TENM3: variants seen among roughly 807,000 people sequenced by gnomAD.
TENM3 encodes the protein teneurin-3.
TENM3 carries 63 observed loss-of-function variants against 255.1 expected under a neutral mutation model. The ratio of observed to expected loss-of-function variants is 0.25; its 90% CI spans 0.20 to 0.30. The LOEUF (loss-of-function observed/expected upper bound fraction) is 0.30. Ranked by LOEUF, TENM3 falls within the 10% of genes least tolerant of loss-of-function variation. The probability of loss-of-function intolerance (pLI) is 1.00; values close to 1 mark genes in which losing one functional copy is unlikely to be tolerated. For missense variants in TENM3, 2,929 were observed against 3,461.1 expected, an observed-to-expected ratio of 0.85 and a Z score of 3.86; for synonymous variants, 1,306 against 1,322.3, an observed-to-expected ratio of 0.99 and a Z score of 0.27.
intron 22 of TENM3, among the ~76,000 whole-genome samples, chr4:182,758,147 G>A (rs1327408311): frequency 6.6e-6 from 1 of 152,130 alleles, no homozygotes; most frequent in Non-Finnish European, 1.5e-5. Context: ...AAACCTTTAT[G>A]CATTTTGCAA....
intron 3 of TENM3, among the ~76,000 whole-genome samples, chr4:182,583,090 A>G (rs1745662335): frequency 6.6e-6 from 1 of 152,218 alleles, no homozygotes; most frequent in African/African-American, 2.4e-5. Context: ...GGCAAAAGCC[A>G]AATGTCTGTG....
chr4:182,157,947 A>C (rs1448998009), intron 1 of TENM3, among the ~76,000 whole-genome samples: 1 of 152,236 alleles, frequency 6.6e-6, no homozygotes, highest in East Asian at 1.9e-4. Context: ...CATATTTCTT[A>C]AAATATGTAG....
the TENM3 span, among the ~76,000 whole-genome samples, chr4:182,023,736 CA>C: frequency 2.0e-5 from 3 of 152,006 alleles, no homozygotes; most frequent in Non-Finnish European, 4.4e-5. Context: ...AACAATATAC[CA>C]CAAAGGAAGT....
Position 182,781,909 on chromosome 4 carries a change from A to G in TENM3, c.5304+6756A>G, listed in dbSNP as rs529021911. On this transcript the variant is annotated intron_variant, in intron 24 of 27. Transcript: ENST00000511685. ...TGGGATCGGTGGTGATATCCCCTTT[A>G]TCATTTTTTATTGCATCTATTAGAT... 6.8e-3 allele frequency among the ~76,000 whole-genome samples: 1,029 copies of G among 150,672 alleles called. 20 individuals are homozygous for G. Among genetic ancestry groups the G allele is most frequent in the African/African-American group, 0.024 (972 of 41,116 alleles).
chr4:182,636,934 A>G (rs1236267997), intron 5 of TENM3, among the ~76,000 whole-genome samples: 1 of 152,140 alleles, frequency 6.6e-6, no homozygotes, highest in Non-Finnish European at 1.5e-5. Flanking sequence ...ATTTTTGCAA[A>G]ACGTAGCAAC....
intron 3 of TENM3, among the ~76,000 whole-genome samples, chr4:182,443,626 C>T (rs1262572746): frequency 2.0e-5 from 3 of 152,124 alleles, no homozygotes; most frequent in Non-Finnish European, 2.9e-5. Context: ...CCCTTCCCTC[C>T]TACTTGGATA....
intron 27 of TENM3, among the ~76,000 whole-genome samples, chr4:182,797,889 C>T (rs1766612262): frequency 6.6e-6 from 1 of 152,128 alleles, no homozygotes; most frequent in South Asian, 2.1e-4. Flanking sequence ...ATCTACAGTA[C>T]CAGTACCTGT....
chr4:182,382,909 G>A (rs1447926504), intron 3 of TENM3, among the ~76,000 whole-genome samples: 3 of 152,120 alleles, frequency 2.0e-5, no homozygotes, highest in African/African-American at 4.8e-5. Context: ...CCCTTGCTAC[G>A]GTTCTTACAG....
intron 3 of TENM3, among the ~76,000 whole-genome samples, chr4:182,414,039 C>T (rs1367828693): frequency 1.3e-5 from 2 of 152,140 alleles, no homozygotes; most frequent in South Asian, 4.1e-4. Context: ...GTTATAACAC[C>T]ATAGTTGAAG....
intron 1 of TENM3, among the ~76,000 whole-genome samples, chr4:182,260,492 A>T (rs1470880033): frequency 6.6e-6 from 1 of 152,194 alleles, no homozygotes; most frequent in Admixed American, 6.5e-5. Flanking sequence ...ATAATAACCT[A>T]CTGTAGTAAA....
Position 182,264,066 on chromosome 4 carries a change from C to T in TENM3, c.-76+20590C>T, listed in dbSNP as rs1319167355. On this transcript the variant is annotated intron_variant, in intron 1 of 27. Transcript: ENST00000511685. ...CCGGCAAAGGGTAAGAATTCTTTAC[C>T]AGTCAGATTTCTGGCTTCTCTCTCT... 3.3e-5 allele frequency among the ~76,000 whole-genome samples: 5 copies of T among 152,288 alleles called. No individual in the cohort carries two copies. The East Asian group carries it at 7.7e-4, about 24-fold the overall frequency.
At chr4:182,346,068 T>TACATAC (rs139037583) in intron 2 of TENM3, among the ~76,000 whole-genome samples, 3 of 149,248 alleles carry the variant, frequency 2.0e-5, no homozygotes, top group African/African-American at 7.4e-5. Context: ...CACACACATA[T>TACATAC]ATACATACAT....
chr4:182,198,562 C>A (rs1753973043), intron 1 of TENM3, among the ~76,000 whole-genome samples: 1 of 152,184 alleles, frequency 6.6e-6, no homozygotes, highest in African/African-American at 2.4e-5. Flanking sequence ...AGAGGAAGGA[C>A]AAATATCATA....
chr4:182,351,905 C>G (rs6815124), intron 3 of TENM3, among the ~76,000 whole-genome samples: 24,085 of 152,010 alleles, frequency 0.16, 2,521 homozygotes, highest in Non-Finnish European at 0.24. Context: ...TTCAGGTATG[C>G]CTGGTGCTTA....
intron 24 of TENM3, among the ~76,000 whole-genome samples, chr4:182,785,161 T>C (rs6817480): frequency 0.35 from 53,475 of 151,562 alleles, 12,283 homozygotes; most frequent in African/African-American, 0.64. Flanking sequence ...ACTGCAGCCT[T>C]GACTTCACAG....
chr4:182,498,433 G>A (rs1362172651), intron 3 of TENM3, among the ~76,000 whole-genome samples: 1 of 152,042 alleles, frequency 6.6e-6, no homozygotes, highest in Admixed American at 6.6e-5. Flanking sequence ...ATAGTGTCAC[G>A]ATCCATTCCC....
chr4:181,530,590 G>T, the TENM3 span, among the ~76,000 whole-genome samples: 1 of 152,178 alleles, frequency 6.6e-6, no homozygotes, highest in African/African-American at 2.4e-5. Flanking sequence ...TAGAATTTGT[G>T]AATTCAAGCA....
At chr4:181,615,919 A>C in the TENM3 span, among the ~76,000 whole-genome samples, 12 of 152,184 alleles carry the variant, frequency 7.9e-5, no homozygotes, top group Non-Finnish European at 1.5e-4. Context: ...CTGTGAGAAA[A>C]CTGAGACAGA....
At chr4:181,931,109 A>G in the TENM3 span, among the ~76,000 whole-genome samples, 1 of 152,218 alleles carries the variant, frequency 6.6e-6, no homozygotes, top group Non-Finnish European at 1.5e-5. Flanking sequence ...CCAGCACAAG[A>G]CAAGAATGCC....
Sources: allele counts gnomAD v4.1 joint callset (sites outside exome capture counted in the v4.1 genomes callset), GRCh38; gene constraint gnomAD v4.1.1; transcripts MANE v1.5; gene names NCBI Gene and HGNC (gene_info 2026-07-23, HGNC 2026-07-21).